Variants in LDAH observed in about 807,000 individuals in gnomAD.
LDAH encodes the protein lipid droplet associated hydrolase, also known as lipid droplet-associated hydrolase.
In LDAH, 26 loss-of-function variants were observed where a neutral mutation model predicts 29.6. The ratio of observed to expected loss-of-function variants is 0.88; its 90% CI spans 0.64 to 1.22. The LOEUF (loss-of-function observed/expected upper bound fraction) is 1.22, where lower values mean the gene tolerates loss of function less well. Among genes scored for constraint, LDAH ranks in the 50% most tolerant of loss-of-function variants. LDAH has a pLI of 0.00. For synonymous variants in LDAH, 117 were observed against 133.0 expected, an observed-to-expected ratio of 0.88 and a Z score of 0.83; for missense variants, 344 against 387.3, an observed-to-expected ratio of 0.89 and a Z score of 0.94.
At chr2:20,821,745 C>A (rs991087597) in intron 1 of LDAH, among the ~76,000 whole-genome samples, 1 of 151,890 alleles carries the variant, frequency 6.6e-6, no homozygotes, top group South Asian at 2.1e-4. Flanking sequence ...TGCATATGTA[C>A]CCTAGAACTT....
intron 2 of LDAH, among the ~76,000 whole-genome samples, chr2:20,791,292 G>A (rs1670930294): frequency 6.6e-6 from 1 of 152,176 alleles, no homozygotes; most frequent in African/African-American, 2.4e-5. Context: ...GTGAGCTTTG[G>A]CCAAGCTATT....
At position 20,750,643 on chromosome 2, in the gene LDAH, T is replaced by G. The variant is rs139274504; in HGVS notation, c.469-10438A>C. ...TACAGCAAAGTTTGCATTAAGTAATTAAGCACATTTGTCACCATTAAATCA... is the reference window on the plus strand; with the variant it reads ...TACAGCAAAGTTTGCATTAAGTAATGAAGCACATTTGTCACCATTAAATCA... On this transcript the variant is annotated intron_variant, in intron 4 of 6. Coordinates refer to ENST00000237822, the MANE Select transcript of LDAH (RefSeq NM_021925.4). Among the ~76,000 whole-genome samples, 452 of 152,360 alleles carry G rather than the reference T, an allele frequency of 3.0e-3. 2 individuals are homozygous for G. Among genetic ancestry groups the G allele is most frequent in the African/African-American group, 9.1e-3 (380 of 41,586 alleles).
At chr2:20,761,921 T>C (rs1215756187) in intron 4 of LDAH, among the ~76,000 whole-genome samples, 1 of 151,464 alleles carries the variant, frequency 6.6e-6, no homozygotes, top group Non-Finnish European at 1.5e-5. Context: ...TGAATAAATA[T>C]ATGTCATTAC....
chr2:20,726,690 G>C lies in LDAH; in HGVS notation c.703+13281C>G, dbSNP rs1666039661. Among the ~76,000 whole-genome samples the C allele has an allele frequency of 2.6e-5, 4 of 152,264 alleles. No individual in the cohort carries two copies. In the East Asian group the frequency reaches 7.7e-4, roughly 29 times the overall value. ...CCATTCTAAACTTTCTGCATAATTT[G>C]GAGAAATGTTTCGTAGTCAACATAG... On this transcript the variant is annotated intron_variant, in intron 5 of 6. Transcript: ENST00000237822.
At chr2:20,716,897 A>G (rs987759047) in intron 5 of LDAH, among the ~76,000 whole-genome samples, 6 of 122,526 alleles carry the variant, frequency 4.9e-5, no homozygotes, top group Non-Finnish European at 9.2e-5. Context: ...CTGGCTGACA[A>G]CTTGATTTGA....
intron 5 of LDAH, among the ~76,000 whole-genome samples, chr2:20,709,396 T>A (rs573437624): frequency 6.6e-6 from 1 of 152,174 alleles, no homozygotes; most frequent in African/African-American, 2.4e-5. Flanking sequence ...AAATGGCCAA[T>A]AAGCATGTGA....
At chr2:20,809,195 T>C (rs1327490907) in intron 1 of LDAH, among the ~76,000 whole-genome samples, 1 of 145,310 alleles carries the variant, frequency 6.9e-6, no homozygotes, top group African/African-American at 2.7e-5. Flanking sequence ...ATCAAGACCA[T>C]CCTGGCCAAC....
In LDAH at chr2:20,685,373, C is replaced by A; in HGVS notation, c.*1530G>T. The A allele has an allele frequency of 2.6e-6, 2 of 760,270 alleles. No individual in the cohort carries two copies. The highest frequency in any genetic ancestry group is 4.0e-6 in the Non-Finnish European group (2 of 501,942). The allele number at this position is 760,270 out of a possible 1,614,324, so 47.1% of individuals were successfully genotyped here. On this transcript the variant is annotated 3_prime_UTR_variant, in exon 7 of 7. Transcript: ENST00000237822. Reference sequence around the variant, plus strand: ...ACATCCGATTTCTAGGCCTCTCATGCAGATGCCAATAAAGGATCTGTGTAC... The same window carrying A: ...ACATCCGATTTCTAGGCCTCTCATGAAGATGCCAATAAAGGATCTGTGTAC...
At chr2:20,772,353 T>A (rs1238742600) in intron 4 of LDAH, among the ~76,000 whole-genome samples, 1 of 152,234 alleles carries the variant, frequency 6.6e-6, no homozygotes, top group Non-Finnish European at 1.5e-5. Flanking sequence ...TTAAGACACC[T>A]GGAACAACTA....
chr2:20,791,737 T>C (rs956145494), intron 2 of LDAH, among the ~76,000 whole-genome samples: 1 of 152,240 alleles, frequency 6.6e-6, no homozygotes, highest in African/African-American at 2.4e-5. Flanking sequence ...TCATGTTTTA[T>C]GCATTTAAGT....
Position 20,697,433 on chromosome 2 carries a change from T to C in LDAH, c.786+4137A>G, listed in dbSNP as rs377183992. ...TTATACCACACATTTGCCCTCAAGA[T>C]AATCCCTCTCATTTGTTAATCTCAC... is the stretch of plus-strand genomic sequence containing the variant. On this transcript the variant is annotated intron_variant, in intron 6 of 6. Transcript: ENST00000237822. 3.5e-4 allele frequency among the ~76,000 whole-genome samples: 53 copies of C among 152,358 alleles called. No homozygotes were observed. The South Asian group carries it at 9.3e-3, about 27-fold the overall frequency.
At chr2:20,764,178 TG>T (rs1668870479) in intron 4 of LDAH, among the ~76,000 whole-genome samples, 1 of 52,766 alleles carries the variant, frequency 1.9e-5, no homozygotes, top group Non-Finnish European at 6.1e-5. Context: ...GAAAAGATAA[TG>T]TGTGTGTGTG....
chr2:20,737,169 A>G (rs111877893), intron 5 of LDAH, among the ~76,000 whole-genome samples: 4,775 of 152,270 alleles, frequency 0.031, 250 homozygotes, highest in African/African-American at 0.11. Context: ...GAAAACCCAG[A>G]GAACTCACCA....
At chr2:20,715,309 G>A (rs1244576245) in intron 5 of LDAH, among the ~76,000 whole-genome samples, 1 of 152,076 alleles carries the variant, frequency 6.6e-6, no homozygotes, top group East Asian at 1.9e-4. Context: ...ATGCGGAAAA[G>A]GCCTTTGACA....
intron 2 of LDAH, among the ~76,000 whole-genome samples, chr2:20,794,853 C>T (rs568091223): frequency 1.6e-4 from 24 of 152,260 alleles, no homozygotes; most frequent in South Asian, 6.2e-4. Context: ...TCAAACTGAA[C>T]GCATAGCAAG....
chr2:20,692,805 G>GAT (rs1289830578), intron 6 of LDAH, among the ~76,000 whole-genome samples: 1 of 152,182 alleles, frequency 6.6e-6, no homozygotes, highest in African/African-American at 2.4e-5. Context: ...CCTGTTTTGT[G>GAT]ATATAGTGCA....
At position 20,817,234 on chromosome 2, in the gene LDAH, A is replaced by C. The variant is rs369435248; in HGVS notation, c.-3+5803T>G. ...TGACATTAAAAATATAAAAATAGAC[A>C]AAGATGAAATAAAGAGCGAGTTCTT... On this transcript the variant is annotated intron_variant, in intron 1 of 6. Coordinates refer to ENST00000237822, the MANE Select transcript of LDAH (RefSeq NM_021925.4). Among the ~76,000 whole-genome samples the C allele has an allele frequency of 3.7e-4, 56 of 152,236 alleles. No homozygotes were observed. In the East Asian group the frequency reaches 8.3e-3, roughly 23 times the overall value.
chr2:20,812,585 C>T (rs922642971), intron 1 of LDAH, among the ~76,000 whole-genome samples: 1 of 152,108 alleles, frequency 6.6e-6, no homozygotes, highest in Non-Finnish European at 1.5e-5. Context: ...TCCCAGTCAC[C>T]CTAATTCAAA....
At chr2:20,700,446 G>T (rs1285840281) in intron 6 of LDAH, among the ~76,000 whole-genome samples, 4 of 152,010 alleles carry the variant, frequency 2.6e-5, no homozygotes, top group Non-Finnish European at 5.9e-5. Flanking sequence ...GTACTGGGAG[G>T]TTATGGAATT....
Sources: gnomAD v4.1 joint callset for allele counts (sites outside exome capture counted in the v4.1 genomes callset) on GRCh38, gnomAD v4.1.1 for gene constraint, MANE v1.5 for transcripts, NCBI Gene and HGNC (gene_info 2026-07-23, HGNC 2026-07-21) for gene names.